The following RBM45 variants were observed in gnomAD, a reference collection of about 807,000 sequenced individuals.
The protein encoded by RBM45 is RNA binding motif protein 45.
Under a neutral mutation model 58.5 loss-of-function variants are expected in RBM45, and 39 were observed. That is an observed-to-expected ratio of 0.67 (90% CI 0.52 to 0.87). The LOEUF is 0.87. Among genes scored for constraint, RBM45 ranks in the 40% least tolerant of loss-of-function variants. The pLI, the probability that RBM45 is intolerant of heterozygous loss-of-function variation, is 0.00. For synonymous variants in RBM45, 193 were observed against 203.0 expected, an observed-to-expected ratio of 0.95 and a Z score of 0.42; for missense variants, 481 against 581.6, an observed-to-expected ratio of 0.83 and a Z score of 1.78.
chr2:178,126,957 C>T (rs533180446), intron 9 of RBM45, among the ~76,000 whole-genome samples: 4 of 151,638 alleles, frequency 2.6e-5, no homozygotes, highest in Non-Finnish European at 4.4e-5. Flanking sequence ...TTTTTTCCCC[C>T]GAGACGTCTC....
intron 5 of RBM45, among the ~76,000 whole-genome samples, chr2:178,122,502 T>C (rs1166958699): frequency 6.6e-6 from 1 of 152,154 alleles, no homozygotes. Flanking sequence ...CTTAACCCGA[T>C]CATATGCGTC....
In RBM45 at chr2:178,126,174, T is replaced by C. The variant is rs2087927169; in HGVS notation, c.1423T>C (p.Ter475ArgextTer8). 1 of 1,611,636 alleles carries C rather than the reference T, an allele frequency of 6.2e-7. No individual in the cohort carries two copies. Among genetic ancestry groups the C allele is most frequent in the Non-Finnish European group, 8.5e-7 (1 of 1,178,148 alleles). Reference protein sequence around the residue: ...EESNKRQRTY* With the variant: ...EESNKRQRTYR ...ATCTAACAAACGGCAAAGAACTTAC[T>C]GATTCTTGAGGTAAGCCCTTTTTAA... The change falls in exon 9 of 10, where the codon TGA becomes CGA. Residue 475 changes from the stop codon to arginine, a stop_lost. Coordinates refer to ENST00000286070, the MANE Select transcript of RBM45 (RefSeq NM_152945.4).
chr2:178,113,752 C>A (rs1244779147), intron 1 of RBM45, among the ~76,000 whole-genome samples: 1 of 152,226 alleles, frequency 6.6e-6, no homozygotes, highest in Non-Finnish European at 1.5e-5. Flanking sequence ...TCCTGAGAAT[C>A]TGGCAATTGC....
At chr2:178,119,257 G>T (rs1005886425) in intron 3 of RBM45, among the ~76,000 whole-genome samples, 4 of 152,212 alleles carry the variant, frequency 2.6e-5, no homozygotes, top group Admixed American at 2.6e-4. Flanking sequence ...GTGTATGGTA[G>T]AGTCTGTCAA....
At chr2:178,113,091 C>T (rs2087727133) in intron 1 of RBM45, among the ~76,000 whole-genome samples, 1 of 152,082 alleles carries the variant, frequency 6.6e-6, no homozygotes. Context: ...ACCCGGCAGC[C>T]GCGGCCACCG....
chr2:178,122,921 A>G (rs2087874195), intron 5 of RBM45, among the ~76,000 whole-genome samples: 1 of 152,172 alleles, frequency 6.6e-6, no homozygotes, highest in African/African-American at 2.4e-5. Flanking sequence ...TAAGGAATGC[A>G]TTATAACATT....
intron 3 of RBM45, among the ~76,000 whole-genome samples, chr2:178,134,778 G>C (rs1329539566): frequency 6.6e-6 from 1 of 152,092 alleles, no homozygotes; most frequent in East Asian, 1.9e-4. Context: ...GATCACTTGA[G>C]GTCAGGAGTT....
chr2:178,126,261 A>T lies in RBM45; in HGVS notation c.*8+77A>T, dbSNP rs1161367068. The stretch of plus-strand genomic sequence containing the variant: ...AGGAATATGTGTAAGTACTTTATAA[A>T]CTTTTCTTTTTAGTGATTTAGAAGT... On this transcript the variant is annotated intron_variant, in intron 9 of 9. Coordinates refer to ENST00000286070, the MANE Select transcript of RBM45 (RefSeq NM_152945.4). 3.3e-6 allele frequency: 3 copies of T among 912,874 alleles called. No individual in the cohort carries two copies. The African/African-American group carries it at 5.0e-5, about 15-fold the overall frequency. The allele number at this position is 912,874 out of a possible 1,614,324, so 56.5% of individuals were successfully genotyped here. A position where few individuals can be genotyped will look rare whatever the true frequency, so the allele number is the denominator to read the frequency against.
chr2:178,136,290 A>G (rs951733424), intron 3 of RBM45, among the ~76,000 whole-genome samples: 12 of 152,360 alleles, frequency 7.9e-5, no homozygotes, highest in African/African-American at 2.9e-4. Flanking sequence ...AGCCTGAGCG[A>G]CAGAGCGAGA....
chr2:178,117,033 T>C (rs868209514), intron 2 of RBM45, among the ~76,000 whole-genome samples: 6 of 152,224 alleles, frequency 3.9e-5, no homozygotes, highest in African/African-American at 9.6e-5. Context: ...CATTAACTTA[T>C]GCAGTGATGA....
chr2:178,120,400 T>C lies in RBM45; in HGVS notation c.664T>C (p.Phe222Leu), dbSNP rs776635147. ...ALGHEPRVNM[F>L]PFEQQSEFSS... ...GGGACATGAACCTAGAGTAAATATG[T>C]TTCCATTTGGTAAGTAGGCAACCTT... The change falls in exon 4 of 10, where the codon TTT becomes CTT. Residue 222 changes from phenylalanine (F) to leucine (L), a missense_variant. Transcript: ENST00000286070. 2 of 1,609,618 alleles carry C rather than the reference T, an allele frequency of 1.2e-6. No individual in the cohort carries two copies. The highest frequency in any genetic ancestry group is 1.1e-5 in the South Asian group (1 of 89,726).
At chr2:178,124,007 A>G in intron 7 of RBM45, 95 bp downstream of exon 7, 2 of 1,501,850 alleles carry the variant, frequency 1.3e-6, no homozygotes, top group Non-Finnish European at 1.8e-6. Flanking sequence ...TGTGTATGAA[A>G]ATTTTCAGAG....
At chr2:178,120,950 A>C (rs1405242244) in intron 4 of RBM45, 1 of 351,332 alleles carries the variant, frequency 2.8e-6, no homozygotes, top group Non-Finnish European at 5.0e-6. Flanking sequence ...TCTTTCTGTG[A>C]AATTAGACTA....
At chr2:178,125,962 T>A in intron 8 of RBM45, 22 bp from the exon 9 acceptor site, 1 of 1,605,584 alleles carries the variant, frequency 6.2e-7, no homozygotes, top group South Asian at 1.1e-5. Context: ...TTTGGTTGAT[T>A]ATTTTTTTCA....
intron 5 of RBM45, among the ~76,000 whole-genome samples, chr2:178,122,674 G>A (rs941929489): frequency 4.6e-5 from 7 of 152,144 alleles, no homozygotes; most frequent in African/African-American, 1.7e-4. Flanking sequence ...CTGGTTGGAT[G>A]TGTCTGAAAT....
rs146319122 is a variant in RBM45, at chr2:178,123,088, A to G, written c.854-434A>G. Among the ~76,000 whole-genome samples the G allele has an allele frequency of 5.1e-4, 77 of 152,284 alleles. No individual in the cohort carries two copies. The East Asian group carries it at 9.1e-3, about 18-fold the overall frequency. ...TCACTTTTCCTCTCCCTACTGCTGC[A>G]GATAGCCGGGATGAGTATATATTCT... On this transcript the variant is annotated intron_variant, in intron 5 of 9. Transcript: ENST00000286070.
chr2:178,121,403 TAC>T (rs55710214), intron 5 of RBM45, 44 bp downstream of exon 5: 42,359 of 590,914 alleles, frequency 0.072, 4,509 homozygotes, highest in African/African-American at 0.1. Flanking sequence ...TATGTATATA[TAC>T]ACACACACAC....
chr2:178,126,296 A>G, intron 9 of RBM45, 112 bp downstream of exon 9: 1 of 572,158 alleles, frequency 1.7e-6, no homozygotes, highest in Non-Finnish European at 2.8e-6. Context: ...TTGTCAGTTA[A>G]AAGAGCTTTG....
chr2:178,118,286 T>A, intron 3 of RBM45, 105 bp downstream of exon 3: 1 of 1,119,942 alleles, frequency 8.9e-7, no homozygotes, highest in Non-Finnish European at 1.2e-6. Flanking sequence ...TCTGCTAATG[T>A]AATTTTAGCA....
Sources: allele counts gnomAD v4.1 joint callset (sites outside exome capture counted in the v4.1 genomes callset), GRCh38; gene constraint gnomAD v4.1.1; transcripts MANE v1.5; gene names NCBI Gene and HGNC (gene_info 2026-07-23, HGNC 2026-07-21).